Variants in VEGFC observed in about 807,000 individuals in gnomAD.
VEGFC encodes FLT4 ligand DHM.
Under a neutral mutation model 46.1 loss-of-function variants are expected in VEGFC, and 12 were observed. That is an observed-to-expected ratio of 0.26 (90% CI 0.17 to 0.42). VEGFC has a LOEUF of 0.42. Among genes scored for constraint, VEGFC ranks in the 10% least tolerant of loss-of-function variants. VEGFC has a pLI of 1.00. For missense variants in VEGFC, 488 were observed against 529.4 expected (o/e 0.92, Z 0.77); for synonymous variants, 232 against 195.5 (o/e 1.19, Z -1.56).
intron 1 of VEGFC, among the ~76,000 whole-genome samples, chr4:176,755,206 AT>A (rs139644840): frequency 0.019 from 2,958 of 152,114 alleles, 81 homozygotes; most frequent in African/African-American, 0.067. Flanking sequence ...TGGTCTCAGT[AT>A]TTCAGTAGAT....
Position 176,735,856 on chromosome 4 carries a change from T to C in VEGFC, c.148-6110A>G, listed in dbSNP as rs577710642. The stretch of plus-strand genomic sequence containing the variant: ...TGAGAGGACTGTGAAATTGTTTCAG[T>C]GAATTATATAAAATTGTTTCCTGTA... On this transcript the variant is annotated intron_variant, in intron 1 of 6. Coordinates refer to ENST00000618562, the MANE Select transcript of VEGFC (RefSeq NM_005429.5). Among the ~76,000 whole-genome samples, 5 of 152,046 alleles carry C rather than the reference T, an allele frequency of 3.3e-5. No individual in the cohort carries two copies. The East Asian group carries it at 9.7e-4, about 29-fold the overall frequency.
At chr4:176,702,056 G>A (rs1443932731) in intron 4 of VEGFC, among the ~76,000 whole-genome samples, 3 of 152,114 alleles carry the variant, frequency 2.0e-5, no homozygotes, top group Non-Finnish European at 4.4e-5. Context: ...TAGGCATTTG[G>A]ACTGAGGATC....
intron 4 of VEGFC, among the ~76,000 whole-genome samples, chr4:176,703,156 G>A (rs368017270): frequency 6.6e-6 from 1 of 152,084 alleles, no homozygotes; most frequent in East Asian, 1.9e-4. Flanking sequence ...AAAAATAGTT[G>A]TTACATTTCA....
intron 1 of VEGFC, among the ~76,000 whole-genome samples, chr4:176,757,875 A>G (rs1300698430): frequency 1.3e-5 from 2 of 152,092 alleles, no homozygotes; most frequent in Non-Finnish European, 2.9e-5. Context: ...GGGAAAGTAT[A>G]GATTTACCAT....
At chr4:176,709,186 A>C (rs1202607677) in intron 4 of VEGFC, among the ~76,000 whole-genome samples, 1 of 152,232 alleles carries the variant, frequency 6.6e-6, no homozygotes, top group African/African-American at 2.4e-5. Flanking sequence ...ATTTATGTAC[A>C]TTATTTAGCC....
At chr4:176,788,418 G>C (rs1736038012) in intron 1 of VEGFC, among the ~76,000 whole-genome samples, 5 of 152,204 alleles carry the variant, frequency 3.3e-5, no homozygotes, top group Admixed American at 2.6e-4. Context: ...GCTATAGTGT[G>C]CCAAAGGAGA....
At chr4:176,747,833 T>A (rs1735282777) in intron 1 of VEGFC, among the ~76,000 whole-genome samples, 1 of 151,854 alleles carries the variant, frequency 6.6e-6, no homozygotes, top group Non-Finnish European at 1.5e-5. Flanking sequence ...TCATTAAGCA[T>A]CTTATAAGGA....
chr4:176,715,419 T>C (rs1290377179), intron 3 of VEGFC, among the ~76,000 whole-genome samples: 1 of 152,164 alleles, frequency 6.6e-6, no homozygotes, highest in Non-Finnish European at 1.5e-5. Flanking sequence ...TTGAGTTTTA[T>C]TTATCTATCA....
chr4:176,707,784 A>T (rs1734559988), intron 4 of VEGFC, among the ~76,000 whole-genome samples: 1 of 152,164 alleles, frequency 6.6e-6, no homozygotes, highest in South Asian at 2.1e-4. Context: ...AATTATGGTG[A>T]CTAGATGGCT....
chr4:176,759,745 A>AC (rs1365478242), intron 1 of VEGFC, among the ~76,000 whole-genome samples: 1 of 151,870 alleles, frequency 6.6e-6, no homozygotes, highest in Admixed American at 6.6e-5. Context: ...AAGTAAAAAA[A>AC]AATAAAATAA....
In VEGFC at chr4:176,742,462, G is replaced by A. The variant is rs181442848; in HGVS notation, c.148-12716C>T. On this transcript the variant is annotated intron_variant, in intron 1 of 6. Transcript: ENST00000618562. ...ATAGTACCACCCGCATACCAGTAAT[G>A]GGGTTGCTGGGTCAAACTGTAGTTC... is the stretch of plus-strand genomic sequence containing the variant. Among the ~76,000 whole-genome samples the A allele has an allele frequency of 2.6e-5, 4 of 152,026 alleles. 1 individual carries two copies. In the East Asian group the frequency reaches 7.8e-4, roughly 30 times the overall value.
chr4:176,785,852 G>C (rs1458846358), intron 1 of VEGFC, among the ~76,000 whole-genome samples: 1 of 152,176 alleles, frequency 6.6e-6, no homozygotes, highest in African/African-American at 2.4e-5. Flanking sequence ...CTGTGTATGT[G>C]TATCTAAGCA....
Position 176,686,110 on chromosome 4 carries a change from G to A in VEGFC, c.1145+1077C>T, listed in dbSNP as rs1734037562. ...CAGTGAAAGTGATTAAAAACAAATG[G>A]TCTGAAAATTAAGTAGACAACTAGG... is the stretch of plus-strand genomic sequence containing the variant. On this transcript the variant is annotated intron_variant, in intron 6 of 6. Transcript: ENST00000618562. 3.3e-5 allele frequency among the ~76,000 whole-genome samples: 5 copies of A among 152,104 alleles called. No homozygotes were observed. The South Asian group carries it at 1.0e-3, about 32-fold the overall frequency.
intron 1 of VEGFC, among the ~76,000 whole-genome samples, chr4:176,767,390 C>T (rs1735646061): frequency 6.6e-6 from 1 of 152,158 alleles, no homozygotes; most frequent in Non-Finnish European, 1.5e-5. Context: ...CCTCACTCTC[C>T]CTCTGCCTCA....
intron 4 of VEGFC, among the ~76,000 whole-genome samples, chr4:176,703,434 G>A (rs1386192105): frequency 2.0e-5 from 3 of 152,012 alleles, no homozygotes; most frequent in Non-Finnish European, 4.4e-5. Context: ...GAATCTCACG[G>A]AAGTAGAGAG....
At chr4:176,700,283 G>T (rs1336071524) in intron 4 of VEGFC, among the ~76,000 whole-genome samples, 1 of 152,010 alleles carries the variant, frequency 6.6e-6, no homozygotes, top group Non-Finnish European at 1.5e-5. Flanking sequence ...CAGGTGTGGT[G>T]GCACGTGCTT....
intron 1 of VEGFC, among the ~76,000 whole-genome samples, chr4:176,776,587 A>C (rs1239056763): frequency 6.6e-6 from 1 of 152,252 alleles, no homozygotes. Flanking sequence ...AGGTGTGGCC[A>C]AGGCCACCTA....
intron 4 of VEGFC, among the ~76,000 whole-genome samples, chr4:176,706,719 T>C (rs1424613404): frequency 6.6e-6 from 1 of 151,810 alleles, no homozygotes; most frequent in Non-Finnish European, 1.5e-5. Context: ...AATTCTTTTC[T>C]AGGCTTTTCA....
At chr4:176,716,963 A>G (rs1476179642) in intron 3 of VEGFC, among the ~76,000 whole-genome samples, 1 of 152,216 alleles carries the variant, frequency 6.6e-6, no homozygotes, top group African/African-American at 2.4e-5. Context: ...AAATTTATGT[A>G]TTATTCAGCA....
Sources: allele counts gnomAD v4.1 joint callset (sites outside exome capture counted in the v4.1 genomes callset), GRCh38; gene constraint gnomAD v4.1.1; transcripts MANE v1.5; gene names NCBI Gene and HGNC (gene_info 2026-07-23, HGNC 2026-07-21).